Variants in SRD5A3 observed in about 807,000 individuals in gnomAD.
The protein encoded by SRD5A3 is polyprenal reductase.
SRD5A3 carries 24 observed loss-of-function variants against 34.3 expected under a neutral mutation model. That is an observed-to-expected ratio of 0.70 (90% CI 0.51 to 0.99). The LOEUF (loss-of-function observed/expected upper bound fraction) is 0.99, where lower values mean the gene tolerates loss of function less well. Ranked by LOEUF, SRD5A3 falls within the 50% of genes least tolerant of loss-of-function variation. The pLI, the probability that SRD5A3 is intolerant of heterozygous loss-of-function variation, is 0.00. For synonymous variants in SRD5A3, 161 were observed against 167.3 expected (o/e 0.96, Z 0.29); for missense variants, 350 against 388.2 (o/e 0.90, Z 0.83).
chr4:55,346,621 C>G, intron 1 of SRD5A3, 64 bp downstream of exon 1: 1 of 1,430,228 alleles, frequency 7.0e-7, no homozygotes, highest in African/African-American at 1.5e-5. Flanking sequence ...CGCCCCGGCT[C>G]GCGGGCAGCC....
intron 1 of SRD5A3, chr4:55,352,194 T>G (rs1198770770): frequency 1.5e-5 from 14 of 929,520 alleles, no homozygotes; most frequent in Non-Finnish European, 2.5e-5. Flanking sequence ...AAGGTTGGTA[T>G]CAATGAGGAT....
chr4:55,369,259 CTG>C (rs1720028638), intron 4 of SRD5A3, among the ~76,000 whole-genome samples: 1 of 152,196 alleles, frequency 6.6e-6, no homozygotes, highest in Non-Finnish European at 1.5e-5. Context: ...CAGTCTGACT[CTG>C]GAGTAGTCTG....
chr4:55,359,360 T>G lies in SRD5A3; in HGVS notation c.236T>G (p.Phe79Cys), dbSNP rs1351549030. The G allele has an allele frequency of 6.2e-7, 1 of 1,614,096 alleles. No homozygotes were observed. The highest frequency in any genetic ancestry group is 8.5e-7 in the Non-Finnish European group (1 of 1,180,020). ...TCCTTTTGCAGATATTTTTCCCACTTTTATATCATCTCAGTGCTGTGGAAT... is the reference window on the plus strand; with the variant it reads ...TCCTTTTGCAGATATTTTTCCCACTGTTATATCATCTCAGTGCTGTGGAAT... ...FDVPKRYFSH[F>C]YIISVLWNGF... Residue 79 changes from phenylalanine to cysteine, a missense_variant, in exon 2 of 5, where the codon TTT (phenylalanine) becomes TGT (cysteine). Physicochemically the swap from Phe to Cys is radical, Grantham distance 205. Around this residue, in one of 3 missense-constraint regions of SRD5A3, gnomAD observed 159 missense variants for 149.1 expected, o/e 1.07. Transcript: ENST00000264228.
At chr4:55,356,586 C>T (rs954775836) in intron 1 of SRD5A3, among the ~76,000 whole-genome samples, 1 of 151,930 alleles carries the variant, frequency 6.6e-6, no homozygotes. Context: ...CTGAGCCTCC[C>T]GAGTAGCTGG....
At chr4:55,365,666 G>T (rs779701193) in intron 3 of SRD5A3, 1 of 152,180 alleles carries the variant, frequency 6.6e-6, no homozygotes, top group South Asian at 2.1e-4. Context: ...TCCCTCCTGC[G>T]TAGATAGTCA....
intron 2 of SRD5A3, among the ~76,000 whole-genome samples, chr4:55,363,652 C>T (rs1486850170): frequency 1.3e-5 from 2 of 152,170 alleles, no homozygotes; most frequent in African/African-American, 4.8e-5. Flanking sequence ...AACTCTGTTT[C>T]TGTTCCTGTC....
intron 3 of SRD5A3, chr4:55,364,874 A>G (rs1184533788): frequency 1.3e-5 from 2 of 158,086 alleles, no homozygotes; most frequent in African/African-American, 4.8e-5. Flanking sequence ...GGAGAGGACA[A>G]AGAGTACTGT....
intron 1 of SRD5A3, among the ~76,000 whole-genome samples, chr4:55,351,166 G>A (rs1450357992): frequency 3.3e-5 from 5 of 151,132 alleles, no homozygotes; most frequent in South Asian, 2.1e-4. Context: ...TCCACCTCCC[G>A]GGTTCAAGCG....
intron 1 of SRD5A3, among the ~76,000 whole-genome samples, chr4:55,356,000 AT>A (rs10648522): frequency 0.022 from 1,664 of 74,196 alleles, 20 homozygotes; most frequent in African/African-American, 0.069. Context: ...TTTTGCCTCC[AT>A]TTTTTTTTTT....
rs554414249 is a variant in SRD5A3 at position 55,370,221 on chromosome 4, A to G, written c.*130A>G. On this transcript the variant is annotated 3_prime_UTR_variant, in exon 5 of 5. Coordinates refer to ENST00000264228, the MANE Select transcript of SRD5A3 (RefSeq NM_024592.5). ...CTCCATTCCATTTCTATACCCCACA[A>G]GTTTTCACTGAATGAGCATGGCAGT... 2 of 1,238,496 alleles carry G rather than the reference A, an allele frequency of 1.6e-6. No individual in the cohort carries two copies. Among genetic ancestry groups the G allele is most frequent in the African/African-American group, 3.0e-5 (2 of 67,280 alleles). The allele number at this position is 1,238,496 out of a possible 1,614,324, so 76.7% of individuals were successfully genotyped here.
chr4:55,348,667 C>T (rs1313424520), intron 1 of SRD5A3, among the ~76,000 whole-genome samples: 2 of 152,174 alleles, frequency 1.3e-5, no homozygotes, highest in Admixed American at 6.5e-5. Context: ...GGAGTACGTG[C>T]CTTTCCTCAT....
intron 1 of SRD5A3, among the ~76,000 whole-genome samples, chr4:55,353,600 A>G (rs1207916169): frequency 6.6e-6 from 1 of 151,524 alleles, no homozygotes; most frequent in African/African-American, 2.4e-5. Context: ...GCTGCTGCTC[A>G]CTCTTTGGGT....
intron 3 of SRD5A3, chr4:55,364,747 G>A (rs1719818166): frequency 1.0e-5 from 2 of 192,064 alleles, no homozygotes; most frequent in Non-Finnish European, 2.2e-5. Context: ...AGGGAAGGGA[G>A]AGTGCTTGCA....
intron 1 of SRD5A3, among the ~76,000 whole-genome samples, chr4:55,354,828 G>T (rs967604653): frequency 6.6e-6 from 1 of 151,338 alleles, no homozygotes; most frequent in African/African-American, 2.4e-5. Flanking sequence ...GCGCGCGTGC[G>T]TGCGCGCGTA....
intron 1 of SRD5A3, among the ~76,000 whole-genome samples, chr4:55,357,265 G>C (rs930257141): frequency 6.6e-6 from 1 of 152,218 alleles, no homozygotes; most frequent in Non-Finnish European, 1.5e-5. Flanking sequence ...TTTACTCCCT[G>C]CTGAGTCCCC....
intron 3 of SRD5A3, among the ~76,000 whole-genome samples, chr4:55,365,242 G>A (rs773961762): frequency 6.6e-6 from 1 of 152,114 alleles, no homozygotes; most frequent in African/African-American, 2.4e-5. Context: ...GAGGTCTAGC[G>A]ATTTCCAACA....
Position 55,346,459 on chromosome 4 carries a change from G to C in SRD5A3, c.123G>C (p.Pro41=). ...AGCTCCTGCCGCCCGGCCTGCTCCC[G>C]GGCTGCGCGATCTTCCAGGACCTGA... ...LLQLLPPGLL[P]GCAIFQDLIR... is the part of the protein sequence containing the mutation. The change falls in exon 1 of 5, where the codon CCG becomes CCC. Residue 41 remains proline (P), a synonymous_variant. Coordinates refer to ENST00000264228, the MANE Select transcript of SRD5A3 (RefSeq NM_024592.5). The C allele has an allele frequency of 2.5e-6, 4 of 1,607,622 alleles. No individual in the cohort carries two copies. Among genetic ancestry groups the C allele is most frequent in the East Asian group, 4.5e-5 (2 of 44,404 alleles).
chr4:55,369,922 A>G lies in SRD5A3; in HGVS notation c.788A>G (p.Tyr263Cys), dbSNP rs1310270069. 4.3e-6 allele frequency: 7 copies of G among 1,614,062 alleles called. No individual in the cohort carries two copies. Among genetic ancestry groups the G allele is most frequent in the African/African-American group, 4.0e-5 (3 of 74,910 alleles). ...AACTACTTAGCAGAGCTGATGATCT[A>G]CGTTTCCATGGCCGTCACCTTTGGG... The part of the protein sequence containing the change: ...SPNYLAELMI[Y>C]VSMAVTFGFH... Residue 263 changes from tyrosine (Y) to cysteine (C), a missense_variant, in exon 5 of 5, where the codon TAC becomes TGC. By Grantham distance (194) the Tyr-to-Cys change is radical. Transcript: ENST00000264228.
rs58652593 is a variant in SRD5A3, at chr4:55,354,820, G to A, written c.222-4526G>A. Among the ~76,000 whole-genome samples, 632 of 151,390 alleles carry A rather than the reference G, an allele frequency of 4.2e-3. 7 individuals carry two copies. Among genetic ancestry groups the A allele is most frequent in the African/African-American group, 0.014 (596 of 41,452 alleles). On this transcript the variant is annotated intron_variant, in intron 1 of 4. Coordinates refer to ENST00000264228, the MANE Select transcript of SRD5A3 (RefSeq NM_024592.5). ...TATAAAATTTACTGTGTGTGTGTGC[G>A]CGCGTGCGTGCGCGCGTACGCATGT...
Sources: allele counts gnomAD v4.1 joint callset (sites outside exome capture counted in the v4.1 genomes callset), GRCh38; gene constraint gnomAD v4.1.1; regional missense constraint gnomAD v4.1.1; transcripts MANE v1.5; gene names NCBI Gene and HGNC (gene_info 2026-07-23, HGNC 2026-07-21).